LRP1B: variants seen among roughly 807,000 people sequenced by gnomAD.
LRP1B encodes low-density lipoprotein receptor-related protein 1B.
In LRP1B, 217 loss-of-function variants were observed where a neutral mutation model predicts 556.6. The ratio of observed to expected loss-of-function variants is 0.39; its 90% CI spans 0.35 to 0.44. The LOEUF (loss-of-function observed/expected upper bound fraction) is 0.44. Ranked by LOEUF, LRP1B falls within the 20% of genes least tolerant of loss-of-function variation. The probability of loss-of-function intolerance (pLI) is 1.00; values close to 1 mark genes in which losing one functional copy is unlikely to be tolerated. For missense variants in LRP1B, 5,053 were observed against 5,620.8 expected (o/e 0.90, Z 3.23); for synonymous variants, 2,047 against 1,865.8 (o/e 1.10, Z -2.50).
At chr2:140,983,369 C>T (rs1210683462) in intron 17 of LRP1B, among the ~76,000 whole-genome samples, 1 of 152,156 alleles carries the variant, frequency 6.6e-6, no homozygotes, top group East Asian at 1.9e-4. Flanking sequence ...TCAGTGGCTA[C>T]AATAAGGGAA....
At chr2:140,437,695 T>C (rs2105293705) in intron 66 of LRP1B, among the ~76,000 whole-genome samples, 1 of 152,334 alleles carries the variant, frequency 6.6e-6, no homozygotes, top group South Asian at 2.1e-4. Context: ...ATTTACAAAG[T>C]ATATCTACAT....
intron 66 of LRP1B, among the ~76,000 whole-genome samples, chr2:140,427,218 T>C (rs191435045): frequency 3.9e-5 from 6 of 152,252 alleles, no homozygotes; most frequent in Admixed American, 2.0e-4. Context: ...TGGTGTCTGA[T>C]CTCCGCGAGG....
At chr2:141,735,591 A>G (rs1221986898) in intron 2 of LRP1B, among the ~76,000 whole-genome samples, 2 of 151,986 alleles carry the variant, frequency 1.3e-5, no homozygotes, top group Non-Finnish European at 2.9e-5. Flanking sequence ...GCCCTCCATT[A>G]CTGCCCAGTG....
At chr2:141,414,754 T>G (rs1334951740) in intron 3 of LRP1B, among the ~76,000 whole-genome samples, 1 of 152,216 alleles carries the variant, frequency 6.6e-6, no homozygotes, top group Non-Finnish European at 1.5e-5. Context: ...TTTTTCTCAG[T>G]AACAATCATA....
intron 1 of LRP1B, among the ~76,000 whole-genome samples, chr2:142,031,309 A>T (rs1254359640): frequency 1.4e-5 from 2 of 142,198 alleles, no homozygotes; most frequent in Non-Finnish European, 3.1e-5. Context: ...AGATATATTT[A>T]GAGAAAGGTT....
chr2:141,411,425 C>A (rs1249049336), intron 3 of LRP1B, among the ~76,000 whole-genome samples: 1 of 152,044 alleles, frequency 6.6e-6, no homozygotes, highest in African/African-American at 2.4e-5. Flanking sequence ...AGAAAAAGTT[C>A]TCCTTAAGAG....
At chr2:140,743,362 T>G (rs1428094765) in intron 35 of LRP1B, among the ~76,000 whole-genome samples, 1 of 151,550 alleles carries the variant, frequency 6.6e-6, no homozygotes, top group East Asian at 1.9e-4. Flanking sequence ...AATATAATTG[T>G]GAAAAGAAAG....
At chr2:141,497,025 T>G (rs1326259852) in intron 2 of LRP1B, among the ~76,000 whole-genome samples, 3 of 151,924 alleles carry the variant, frequency 2.0e-5, no homozygotes, top group Admixed American at 1.3e-4. Flanking sequence ...ACATCAAGGA[T>G]CAGCAGCCTC....
intron 18 of LRP1B, among the ~76,000 whole-genome samples, chr2:140,966,712 T>C (rs4954679): frequency 0.55 from 83,645 of 152,004 alleles, 24,340 homozygotes; most frequent in Non-Finnish European, 0.64. Flanking sequence ...CTTGAATTAA[T>C]TTTTTTATAA....
At chr2:141,874,605 T>C (rs1319801272) in intron 1 of LRP1B, among the ~76,000 whole-genome samples, 1 of 151,958 alleles carries the variant, frequency 6.6e-6, no homozygotes, top group Non-Finnish European at 1.5e-5. Flanking sequence ...AATTCCTAAT[T>C]GGATCATGGT....
At chr2:140,777,760 A>G (rs1225679679) in intron 32 of LRP1B, among the ~76,000 whole-genome samples, 1 of 152,128 alleles carries the variant, frequency 6.6e-6, no homozygotes, top group Non-Finnish European at 1.5e-5. Context: ...AAGAAAGTAA[A>G]AGATGCTGTA....
intron 43 of LRP1B, among the ~76,000 whole-genome samples, chr2:140,543,921 A>G (rs1287925850): frequency 6.6e-6 from 1 of 152,070 alleles, no homozygotes; most frequent in African/African-American, 2.4e-5. Flanking sequence ...ATAACTATTT[A>G]CAATAGCCTC....
chr2:141,394,296 A>G (rs1012825933), intron 3 of LRP1B, among the ~76,000 whole-genome samples: 3 of 152,112 alleles, frequency 2.0e-5, no homozygotes, highest in Admixed American at 6.6e-5. Context: ...CTGGTAAAAT[A>G]AGACCATTTT....
intron 2 of LRP1B, among the ~76,000 whole-genome samples, chr2:141,807,299 A>G (rs376648103): frequency 6.6e-6 from 1 of 152,062 alleles, no homozygotes; most frequent in Non-Finnish European, 1.5e-5. Context: ...CCAAATTTCA[A>G]TTGGTATTGA....
At chr2:141,722,687 T>TTC (rs1692867153) in intron 2 of LRP1B, among the ~76,000 whole-genome samples, 1 of 151,926 alleles carries the variant, frequency 6.6e-6, no homozygotes, top group Non-Finnish European at 1.5e-5. Flanking sequence ...TTTCACATAT[T>TTC]TCTCTCTCTA....
intron 2 of LRP1B, among the ~76,000 whole-genome samples, chr2:141,572,059 C>T (rs1686549164): frequency 6.6e-6 from 1 of 152,086 alleles, no homozygotes; most frequent in African/African-American, 2.4e-5. Flanking sequence ...GGCCAACATA[C>T]AACTTCAGGA....
intron 1 of LRP1B, among the ~76,000 whole-genome samples, chr2:142,001,164 A>G (rs1193664637): frequency 2.0e-5 from 3 of 151,704 alleles, no homozygotes; most frequent in Non-Finnish European, 4.4e-5. Context: ...AGTCCATTAA[A>G]CCTCTTTTTC....
chr2:141,217,462 G>T (rs1437855993), intron 6 of LRP1B, among the ~76,000 whole-genome samples: 2 of 152,086 alleles, frequency 1.3e-5, no homozygotes, highest in Non-Finnish European at 2.9e-5. Flanking sequence ...ACGGAAAAAG[G>T]TGAGCTTGAT....
intron 35 of LRP1B, among the ~76,000 whole-genome samples, chr2:140,752,322 CT>C (rs34686176): frequency 0.073 from 9,930 of 135,918 alleles, 436 homozygotes; most frequent in Middle Eastern, 0.16. Flanking sequence ...ACTTAAAATA[CT>C]TTTTTTTTTT....
Sources: gnomAD v4.1 joint callset for allele counts (sites outside exome capture counted in the v4.1 genomes callset) on GRCh38, gnomAD v4.1.1 for gene constraint, MANE v1.5 for transcripts, NCBI Gene and HGNC (gene_info 2026-07-23, HGNC 2026-07-21) for gene names.